Variants in SESN1 observed in about 807,000 individuals in gnomAD.
The protein encoded by SESN1 is sestrin-1.
In SESN1, 30 loss-of-function variants were observed where a neutral mutation model predicts 59.3. That is an observed-to-expected ratio of 0.51 (90% confidence interval 0.38 to 0.69). The LOEUF is 0.69. SESN1 is among the 30% of genes least tolerant of loss of function. The pLI is 0.00. For missense variants in SESN1, 566 were observed against 673.0 expected (o/e 0.84, Z 1.76); for synonymous variants, 197 against 219.9 (o/e 0.90, Z 0.92).
At position 108,987,580 on chromosome 6, in the gene SESN1, A is replaced by C. The variant is rs1355741528; in HGVS notation, c.1620T>G (p.Leu540=). The change falls in exon 10 of 10, where the codon CTT becomes CTG. Residue 540 remains leucine, a synonymous_variant. Coordinates refer to ENST00000436639, the MANE Select transcript of SESN1 (RefSeq NM_014454.3). ...LIEARMQAEL[L]YALRAITRYM... ...AGCGGGTAATGGCTCTCAGAGCATA[A>C]AGGAGTTCTGCTTGCATCCTAGCTT... 1 of 1,606,558 alleles carries C rather than the reference A, an allele frequency of 6.2e-7. No homozygotes were observed. The highest frequency in any genetic ancestry group is 8.5e-7 in the Non-Finnish European group (1 of 1,173,784).
chr6:109,084,867 T>C (rs1286885033), intron 1 of SESN1, among the ~76,000 whole-genome samples: 2 of 152,144 alleles, frequency 1.3e-5, no homozygotes, highest in Non-Finnish European at 2.9e-5. Flanking sequence ...AACTAAAGGT[T>C]GTTTTTAATC....
At chr6:109,059,131 ACTT>A (rs1038556595) in intron 1 of SESN1, among the ~76,000 whole-genome samples, 11 of 152,206 alleles carry the variant, frequency 7.2e-5, no homozygotes, top group Non-Finnish European at 1.2e-4. Context: ...TTTACAGATA[ACTT>A]CTTAACATTT....
chr6:109,006,372 A>G (rs1274627273), intron 1 of SESN1, among the ~76,000 whole-genome samples: 1 of 152,094 alleles, frequency 6.6e-6, no homozygotes, highest in Non-Finnish European at 1.5e-5. Context: ...ATATGTATGC[A>G]TGTGCCATGT....
At chr6:109,048,975 A>G (rs574869704) in intron 1 of SESN1, among the ~76,000 whole-genome samples, 1 of 152,330 alleles carries the variant, frequency 6.6e-6, no homozygotes, top group East Asian at 1.9e-4. Context: ...AAGTCTCTCT[A>G]GGACTTAGTG....
At chr6:109,006,795 A>T (rs1779741942) in intron 1 of SESN1, among the ~76,000 whole-genome samples, 1 of 152,222 alleles carries the variant, frequency 6.6e-6, no homozygotes, top group African/African-American at 2.4e-5. Flanking sequence ...GATGCTGATC[A>T]AAAAAGGCAC....
chr6:109,094,175 A>C lies in SESN1; in HGVS notation c.-102T>G. ...AAAAATGTAAAAATAAAATCAGAGAAATCAAATCGTCATGAAAACACACAT... is the reference window on the plus strand; with the variant it reads ...AAAAATGTAAAAATAAAATCAGAGACATCAAATCGTCATGAAAACACACAT... On this transcript the variant is annotated 5_prime_UTR_variant, in exon 1 of 10. The change creates a new upstream start codon in the 5' untranslated region. Transcript: ENST00000436639. The C allele has an allele frequency of 7.7e-7, 1 of 1,302,812 alleles. No individual in the cohort carries two copies. The highest frequency in any genetic ancestry group is 1.1e-6 in the Non-Finnish European group (1 of 951,008). 80.7% of individuals were successfully genotyped at this position (1,302,812 alleles called of 1,614,324 possible).
chr6:109,063,387 T>A (rs1254914438), intron 1 of SESN1, among the ~76,000 whole-genome samples: 1 of 152,044 alleles, frequency 6.6e-6, no homozygotes, highest in Non-Finnish European at 1.5e-5. Flanking sequence ...ACCAATGACT[T>A]GCCCCAAATT....
chr6:109,032,111 A>G (rs1780188592), intron 1 of SESN1, among the ~76,000 whole-genome samples: 1 of 152,148 alleles, frequency 6.6e-6, no homozygotes, highest in Admixed American at 6.5e-5. Context: ...CTCTACTAAA[A>G]ATACAAAAAA....
intron 1 of SESN1, among the ~76,000 whole-genome samples, chr6:109,006,219 G>A (rs928034211): frequency 3.3e-5 from 5 of 152,120 alleles, no homozygotes; most frequent in African/African-American, 1.2e-4. Flanking sequence ...AAGAGTCTTA[G>A]ATTAATCCTT....
At chr6:109,066,299 A>G (rs1780824396) in intron 1 of SESN1, among the ~76,000 whole-genome samples, 1 of 151,856 alleles carries the variant, frequency 6.6e-6, no homozygotes, top group Non-Finnish European at 1.5e-5. Context: ...TAAATCACGA[A>G]GGTTTGCTGT....
chr6:109,007,719 C>T (rs1779761598), intron 1 of SESN1, among the ~76,000 whole-genome samples: 1 of 147,206 alleles, frequency 6.8e-6, no homozygotes, highest in Non-Finnish European at 1.5e-5. Context: ...GCAAAATGTA[C>T]TAACAATTAT....
chr6:108,990,626 A>G lies in SESN1; in HGVS notation c.1424+19T>C. The G allele has an allele frequency of 6.2e-7, 1 of 1,611,942 alleles. No individual in the cohort carries two copies. Among genetic ancestry groups the G allele is most frequent in the Non-Finnish European group, 8.5e-7 (1 of 1,178,710 alleles). Reference sequence around the variant, plus strand: ...CCCAGAGGAAAACATCTCTTTATAAACACAGAAAGAAGACTAACCTTATTC... The same window carrying G: ...CCCAGAGGAAAACATCTCTTTATAAGCACAGAAAGAAGACTAACCTTATTC... On this transcript the variant is annotated intron_variant, in intron 8 of 9. Coordinates refer to ENST00000436639, the MANE Select transcript of SESN1 (RefSeq NM_014454.3).
chr6:109,073,877 A>G (rs1187278316), intron 1 of SESN1, among the ~76,000 whole-genome samples: 1 of 152,192 alleles, frequency 6.6e-6, no homozygotes, highest in Non-Finnish European at 1.5e-5. Flanking sequence ...TCTCATTATA[A>G]TAGATTAACT....
In SESN1 at chr6:109,094,089, T is replaced by C. The variant is rs1186518236; in HGVS notation, c.-16A>G. The C allele has an allele frequency of 6.2e-7, 1 of 1,600,478 alleles. No homozygotes were observed. ...CTTCAGCCATGACAATAGTTTTTCC[T>C]TTGCGGTCTTCAGTTACCTTTCAGC... On this transcript the variant is annotated 5_prime_UTR_variant, in exon 1 of 10. Transcript: ENST00000436639.
At chr6:108,993,123 G>T in intron 6 of SESN1, 1 of 431,900 alleles carries the variant, frequency 2.3e-6, no homozygotes, top group East Asian at 4.6e-5. Flanking sequence ...AATTCTCTAT[G>T]CCTTTTATTG....
intron 1 of SESN1, among the ~76,000 whole-genome samples, chr6:109,070,174 C>G (rs1780907273): frequency 6.6e-6 from 1 of 152,164 alleles, no homozygotes; most frequent in Admixed American, 6.5e-5. Context: ...AGCATTAAGT[C>G]TCTGAGACCC....
intron 1 of SESN1, among the ~76,000 whole-genome samples, chr6:109,061,781 G>A (rs892121535): frequency 6.6e-6 from 1 of 152,050 alleles, no homozygotes; most frequent in Non-Finnish European, 1.5e-5. Context: ...TCCAGCCTGG[G>A]CAACAGAGCG....
intron 1 of SESN1, among the ~76,000 whole-genome samples, chr6:109,034,719 T>C (rs755664630): frequency 6.6e-6 from 1 of 152,184 alleles, no homozygotes; most frequent in Non-Finnish European, 1.5e-5. Flanking sequence ...TGAGAAAGCA[T>C]ATGCTTATTC....
At chr6:108,992,963 A>G (rs758313811) in intron 6 of SESN1, 64 bp from the exon 7 acceptor site, 2 of 1,032,934 alleles carry the variant, frequency 1.9e-6, no homozygotes, top group Non-Finnish European at 3.0e-6. Flanking sequence ...GATTTTACCC[A>G]AAGGAGTAAA....
Sources: allele counts gnomAD v4.1 joint callset (sites outside exome capture counted in the v4.1 genomes callset), GRCh38; gene constraint gnomAD v4.1.1; transcripts MANE v1.5; gene names NCBI Gene and HGNC (gene_info 2026-07-23, HGNC 2026-07-21).